The following GIPC1 variants were observed in gnomAD, a reference collection of about 807,000 sequenced individuals.
GIPC1 encodes PDZ domain-containing protein GIPC1.
Under a neutral mutation model 28.5 loss-of-function variants are expected in GIPC1, and 15 were observed. The observed-to-expected ratio is 0.53, with a 90% confidence interval of 0.35 to 0.81. The LOEUF is 0.81. Ranked by LOEUF, GIPC1 falls within the 30% of genes least tolerant of loss-of-function variation. GIPC1 has a pLI of 0.01. For missense variants in GIPC1, 439 were observed against 481.9 expected, an observed-to-expected ratio of 0.91 and a Z score of 0.83; for synonymous variants, 224 against 206.1, an observed-to-expected ratio of 1.09 and a Z score of -0.74.
chr19:14,495,046 G>A (rs1050441818), intron 1 of GIPC1, among the ~76,000 whole-genome samples: 3 of 152,108 alleles, frequency 2.0e-5, no homozygotes, highest in Admixed American at 6.6e-5. Context: ...GAGGGAAAGA[G>A]GCCTCTGATT....
At chr19:14,495,847 G>A (rs2072064281) in intron 1 of GIPC1, among the ~76,000 whole-genome samples, 190 bp downstream of exon 1, 2 of 151,848 alleles carry the variant, frequency 1.3e-5, no homozygotes, top group Non-Finnish European at 2.9e-5. Context: ...CCAGCAGGAA[G>A]GGAGCTGCCC....
intron 3 of GIPC1, among the ~76,000 whole-genome samples, chr19:14,487,523 T>C (rs939570323): frequency 1.3e-5 from 2 of 151,850 alleles, no homozygotes; most frequent in African/African-American, 4.9e-5. Flanking sequence ...CATGAGTCAC[T>C]GCACCCGGCC....
At chr19:14,480,152 T>C (rs1322145278) in intron 6 of GIPC1, 153 bp downstream of exon 6, 3 of 652,536 alleles carry the variant, frequency 4.6e-6, no homozygotes. Flanking sequence ...GCACCCCGTC[T>C]GGGGTCGGGA....
At chr19:14,479,335 AGAGT>A in intron 7 of GIPC1, 73 bp downstream of exon 7, 2 of 293,052 alleles carry the variant, frequency 6.8e-6, no homozygotes, top group South Asian at 1.0e-4. Context: ...CTGGGTGACA[AGAGT>A]GAGACTCTGT....
chr19:14,480,997 G>T (rs1374584577), intron 4 of GIPC1: 2 of 525,030 alleles, frequency 3.8e-6, no homozygotes, highest in African/African-American at 1.9e-5. Flanking sequence ...TTGAGACAGG[G>T]TCTTGCTCTG....
chr19:14,484,678 C>T (rs1599354445), intron 3 of GIPC1, among the ~76,000 whole-genome samples: 3 of 152,028 alleles, frequency 2.0e-5, no homozygotes, highest in Non-Finnish European at 2.9e-5. Flanking sequence ...ACCTGGGAGG[C>T]GGAGGTTGCA....
chr19:14,481,448 T>G (rs893983927), intron 4 of GIPC1, among the ~76,000 whole-genome samples: 2 of 151,980 alleles, frequency 1.3e-5, no homozygotes, highest in African/African-American at 4.8e-5. Context: ...CTGTGCCAGG[T>G]GCGGTGGCTC....
intron 4 of GIPC1, 29 bp from the exon 5 acceptor site, chr19:14,480,807 TTCCCCC>T: frequency 6.5e-7 from 1 of 1,527,688 alleles, no homozygotes; most frequent in Non-Finnish European, 9.0e-7. Context: ...CTGAAACCTC[TTCCCCC>T]TCCCTCCCCC....
chr19:14,485,645 G>A (rs1005895651), intron 3 of GIPC1, among the ~76,000 whole-genome samples: 4 of 141,316 alleles, frequency 2.8e-5, no homozygotes, highest in Non-Finnish European at 1.5e-5. Flanking sequence ...GACAGAGATA[G>A]ACTCCGTCTC....
chr19:14,485,753 A>G (rs2071830532), intron 3 of GIPC1, among the ~76,000 whole-genome samples: 2 of 147,116 alleles, frequency 1.4e-5, no homozygotes, highest in Non-Finnish European at 3.0e-5. Context: ...AGAGAGAGGG[A>G]GAGAGAGAGA....
In GIPC1 at chr19:14,478,589, C is replaced by G. The variant is rs557786302; in HGVS notation, c.851-22G>C. On this transcript the variant is annotated intron_variant, in intron 8 of 8. Transcript: ENST00000393033. The surrounding 1 kb of genome is among the most constrained non-coding windows in gnomAD (Gnocchi z 5.2). ...GCCGCTATTGGGGGAGGGGTCAGAA[C>G]GGAGGCACAAATGACACCAGGGACC... The G allele has an allele frequency of 6.2e-7, 1 of 1,613,794 alleles. No homozygotes were observed. Among genetic ancestry groups the G allele is most frequent in the South Asian group, 1.1e-5 (1 of 91,072 alleles).
chr19:14,492,691 C>T (rs1232581349), intron 2 of GIPC1, among the ~76,000 whole-genome samples, 166 bp downstream of exon 2: 1 of 151,930 alleles, frequency 6.6e-6, no homozygotes, highest in Non-Finnish European at 1.5e-5. Context: ...AGCCTCCTTA[C>T]TCTCTCTCTC....
Position 14,478,205 on chromosome 19 carries a change from G to T in GIPC1, c.*211C>A. 1 of 560,390 alleles carries T rather than the reference G, an allele frequency of 1.8e-6. No individual in the cohort carries two copies. Among genetic ancestry groups the T allele is most frequent in the East Asian group, 2.9e-5 (1 of 34,420 alleles). The allele number at this position is 560,390 out of a possible 1,614,324, so 34.7% of individuals were successfully genotyped here. A position where few individuals can be genotyped will look rare whatever the true frequency, so the allele number is the denominator to read the frequency against. On this transcript the variant is annotated 3_prime_UTR_variant, in exon 9 of 9. Transcript: ENST00000393033. The surrounding 1 kb of genome is among the most constrained non-coding windows in gnomAD (Gnocchi z 5.2). ...GAGGTAGGTGGGGAACAGGGCACAG[G>T]GGGGCCGGGGACCCCGGCCAGACTG... is the stretch of plus-strand genomic sequence containing the variant.
intron 4 of GIPC1, 111 bp downstream of exon 4, chr19:14,482,577 CA>C: frequency 9.2e-7 from 1 of 1,091,960 alleles, no homozygotes. Context: ...GAGTGGGGCC[CA>C]GGCTCAGCAT....
At chr19:14,487,685 CTTTT>C (rs34048955) in intron 3 of GIPC1, among the ~76,000 whole-genome samples, 1 of 130,454 alleles carries the variant, frequency 7.7e-6, no homozygotes, top group Non-Finnish European at 1.6e-5. Context: ...CTTTATTTTC[CTTTT>C]TTTTTTTGAC....
chr19:14,479,352 CAAAAA>C, intron 7 of GIPC1, 55 bp downstream of exon 7: 5 of 598,992 alleles, frequency 8.3e-6, no homozygotes, highest in South Asian at 3.3e-5. Flanking sequence ...GACTCTGTCT[CAAAAA>C]AAAAAAAAAG....
At chr19:14,483,298 A>C (rs2071771908) in intron 3 of GIPC1, 1 of 281,448 alleles carries the variant, frequency 3.6e-6, no homozygotes, top group Non-Finnish European at 6.7e-6. Flanking sequence ...TCTACTAAAA[A>C]TATAAAAATT....
chr19:14,480,257 G>T, intron 6 of GIPC1, 48 bp downstream of exon 6: 1 of 1,524,192 alleles, frequency 6.6e-7, no homozygotes, highest in Non-Finnish European at 9.0e-7. Context: ...CACCGCCTGC[G>T]CCCATGCGAG....
chr19:14,482,944 C>T lies in GIPC1; in HGVS notation c.33G>A (p.Ala11=), dbSNP rs762365095. 1.2e-5 allele frequency: 20 copies of T among 1,611,526 alleles called. No homozygotes were observed. The highest frequency in any genetic ancestry group is 8.3e-5 in the Admixed American group (5 of 59,910). ...CCTCCTCATTTTCCACTAGAGGGGG[C>T]GCCTTTTTCCGCCGCCCCAGTCCCA... The part of the protein sequence containing the change: MPLGLGRRKK[A]PPLVENEEAE... The change falls in exon 4 of 9, where the codon GCG becomes GCA. Residue 11 remains alanine (A), a synonymous_variant. Transcript: ENST00000393033.
Sources: gnomAD v4.1 joint callset for allele counts (sites outside exome capture counted in the v4.1 genomes callset) on GRCh38, gnomAD v4.1.1 for gene constraint, Gnocchi (gnomAD v3.1) non-coding constraint, MANE v1.5 for transcripts, NCBI Gene and HGNC (gene_info 2026-07-23, HGNC 2026-07-21) for gene names.